PCDHGB2: variants seen among roughly 807,000 people sequenced by gnomAD.
PCDHGB2 encodes the protein protocadherin gamma subfamily B, 2, also known as protocadherin gamma-B2.
A neutral mutation model predicts 59.3 loss-of-function variants in PCDHGB2; 55 were observed. That is an observed-to-expected ratio of 0.93 (90% CI 0.75 to 1.16). The LOEUF (loss-of-function observed/expected upper bound fraction) is 1.16, where lower values mean the gene tolerates loss of function less well. Ranked by LOEUF, PCDHGB2 falls within the 50% of genes most tolerant of loss-of-function variation. The pLI is 0.00. For synonymous variants in PCDHGB2, 516 were observed against 512.0 expected, an observed-to-expected ratio of 1.01 and a Z score of -0.11; for missense variants, 1,228 against 1,198.5, an observed-to-expected ratio of 1.02 and a Z score of -0.36.
intron 1 of PCDHGB2, chr5:141,420,092 G>A: frequency 1.2e-6 from 2 of 1,614,020 alleles, no homozygotes; most frequent in Non-Finnish European, 1.7e-6. Flanking sequence ...CAACTACAGT[G>A]AGGGAACGTT....
At chr5:141,370,708 A>G in intron 1 of PCDHGB2, 6 of 1,613,778 alleles carry the variant, frequency 3.7e-6, no homozygotes, top group Non-Finnish European at 5.1e-6. Context: ...TGTGTTCTGG[A>G]ATTTGAAATG....
intron 2 of PCDHGB2, among the ~76,000 whole-genome samples, chr5:141,498,009 C>T (rs1160103624): frequency 6.6e-6 from 1 of 152,146 alleles, no homozygotes; most frequent in African/African-American, 2.4e-5. Context: ...TTACAGTGCA[C>T]TGAAGGAGAC....
Position 141,490,845 on chromosome 5 carries a change from G to T in PCDHGB2, c.2422-3962G>T, listed in dbSNP as rs748605746. The T allele has an allele frequency of 1.4e-5, 22 of 1,613,726 alleles. No individual in the cohort carries two copies. The highest frequency in any genetic ancestry group is 1.7e-5 in the Non-Finnish European group (20 of 1,179,894). On this transcript the variant is annotated intron_variant, in intron 1 of 3. Coordinates refer to ENST00000522605, the MANE Select transcript of PCDHGB2 (RefSeq NM_018923.3). This position sits in a 1 kb window ranked among gnomAD's most constrained non-coding sequence, Gnocchi z 5.4. ...TGCAGATGCTGCAGATTGTGGTGGG[G>T]GTTCGAGACTCCGGCTCTCCCCCAT...
At chr5:141,425,860 A>G (rs1445251215) in intron 1 of PCDHGB2, among the ~76,000 whole-genome samples, 1 of 152,248 alleles carries the variant, frequency 6.6e-6, no homozygotes, top group Non-Finnish European at 1.5e-5. Context: ...TGACTGTTCT[A>G]TAGATTCCCA....
chr5:141,478,623 G>A, intron 1 of PCDHGB2: 2 of 1,554,358 alleles, frequency 1.3e-6, no homozygotes, highest in Non-Finnish European at 1.7e-6. Flanking sequence ...GAATGGAGCT[G>A]TTTTTTTAGT....
At chr5:141,386,548 G>T (rs1264128780) in intron 1 of PCDHGB2, among the ~76,000 whole-genome samples, 1 of 151,902 alleles carries the variant, frequency 6.6e-6, no homozygotes, top group Non-Finnish European at 1.5e-5. Context: ...GTTGTATTTG[G>T]TAGTATTTTG....
intron 3 of PCDHGB2, 56 bp from the exon 4 acceptor site, chr5:141,510,891 G>A (rs945706652): frequency 8.7e-6 from 14 of 1,612,762 alleles, no homozygotes; most frequent in Middle Eastern, 1.6e-4. Flanking sequence ...ATATAAGACA[G>A]TGACTGTTGA....
At position 141,360,135 on chromosome 5, in the gene PCDHGB2, G is replaced by A. The variant is rs1200093111; in HGVS notation, c.-1G>A. 2 of 1,592,246 alleles carry A rather than the reference G, an allele frequency of 1.3e-6. No homozygotes were observed. Among genetic ancestry groups the A allele is most frequent in the Admixed American group, 3.5e-5 (2 of 57,298 alleles). On this transcript the variant is annotated 5_prime_UTR_variant, in exon 1 of 4. Transcript: ENST00000522605. ...GGCAAAGGAGCAAAGGGAGCCAGAA[G>A]ATGAAAGCGAGCTCAGGGAGGTGCG...
chr5:141,423,544 C>G, intron 1 of PCDHGB2: 1 of 1,613,744 alleles, frequency 6.2e-7, no homozygotes, highest in African/African-American at 1.3e-5. Flanking sequence ...GATTTTCCCC[C>G]AGCCCAACTA....
intron 1 of PCDHGB2, chr5:141,366,290 C>T: frequency 6.2e-7 from 1 of 1,613,732 alleles, no homozygotes; most frequent in Admixed American, 1.7e-5. Context: ...CCAGCCCCCT[C>T]TGTCAGCCAC....
At chr5:141,475,803 G>T in intron 1 of PCDHGB2, 1 of 319,920 alleles carries the variant, frequency 3.1e-6, no homozygotes, top group Non-Finnish European at 5.7e-6. Flanking sequence ...GAAGCCAAAG[G>T]AAAGTGAAGT....
intron 1 of PCDHGB2, chr5:141,415,949 C>T (rs369226000): frequency 6.5e-4 from 320 of 496,036 alleles, no homozygotes; most frequent in African/African-American, 5.9e-3. Context: ...TGGGTGGTCA[C>T]ATATTGAAAC....
chr5:141,390,601 C>T, intron 1 of PCDHGB2: 1 of 317,490 alleles, frequency 3.1e-6, no homozygotes. Context: ...TTTTCCTATA[C>T]ATTTTCCTTC....
intron 1 of PCDHGB2, among the ~76,000 whole-genome samples, chr5:141,467,938 C>A (rs527892047): frequency 9.8e-5 from 15 of 152,304 alleles, no homozygotes; most frequent in Non-Finnish European, 1.5e-4. Flanking sequence ...GGATTACAAG[C>A]ATGAGCCACC....
chr5:141,476,224 G>T lies in PCDHGB2; in HGVS notation c.2422-18583G>T. 6.2e-7 allele frequency: 1 copy of T among 1,614,062 alleles called. No individual in the cohort carries two copies. The highest frequency in any genetic ancestry group is 1.1e-5 in the South Asian group (1 of 91,072). ...AGGCTTCCACGGTCATTCACTATGA[G>T]ATCCCGGAGGAAAGAGAGAAGGGTT... On this transcript the variant is annotated intron_variant, in intron 1 of 3. Transcript: ENST00000522605. This position sits in a 1 kb window ranked among gnomAD's most constrained non-coding sequence, Gnocchi z 7.6.
Position 141,418,943 on chromosome 5 carries a change from C to T in PCDHGB2, c.2421+56387C>T, listed in dbSNP as rs751344893. On this transcript the variant is annotated intron_variant, in intron 1 of 3. Coordinates refer to ENST00000522605, the MANE Select transcript of PCDHGB2 (RefSeq NM_018923.3). ...TGATCAGATTATGGAGGATTCCCCT[C>T]CAGGAGTGGTTGTTGCCCTCTTCAA... The T allele has an allele frequency of 3.1e-6, 5 of 1,613,914 alleles. No homozygotes were observed. The African/African-American group carries it at 6.7e-5, about 22-fold the overall frequency.
intron 1 of PCDHGB2, chr5:141,395,179 A>C: frequency 6.2e-7 from 1 of 1,614,164 alleles, no homozygotes; most frequent in South Asian, 1.1e-5. Flanking sequence ...GAGAAAAATG[A>C]TTCTTTGTTA....
intron 1 of PCDHGB2, among the ~76,000 whole-genome samples, chr5:141,445,544 T>C (rs1223868698): frequency 6.6e-6 from 1 of 152,126 alleles, no homozygotes; most frequent in Non-Finnish European, 1.5e-5. Context: ...CAAGGAGAAA[T>C]ACAAAAGCAC....
chr5:141,361,938 C>T lies in PCDHGB2; in HGVS notation c.1803C>T (p.Asn601=), dbSNP rs778338184. 1.2e-6 allele frequency: 2 copies of T among 1,605,814 alleles called. No individual in the cohort carries two copies. Among genetic ancestry groups the T allele is most frequent in the East Asian group, 4.5e-5 (2 of 44,816 alleles). ...CGGTGGACGCAGACTCAGGACACAA[C>T]GCTTGGCTGTCCTACCACGTGCTGC... is the stretch of plus-strand genomic sequence containing the variant. The part of the protein sequence containing the change: ...VVAVDADSGH[N]AWLSYHVLQA... Residue 601 remains asparagine (N), a synonymous_variant, in exon 1 of 4, where the codon AAC becomes AAT. Transcript: ENST00000522605.
Sources: allele counts gnomAD v4.1 joint callset (sites outside exome capture counted in the v4.1 genomes callset), GRCh38; gene constraint gnomAD v4.1.1; non-coding constraint Gnocchi (gnomAD v3.1); transcripts MANE v1.5; gene names NCBI Gene and HGNC (gene_info 2026-07-23, HGNC 2026-07-21).